The following GPHN variants were observed in gnomAD, a reference collection of about 807,000 sequenced individuals.
The protein encoded by GPHN is gephyrin.
A neutral mutation model predicts 95.5 loss-of-function variants in GPHN; 17 were observed. The observed-to-expected ratio is 0.18, with a 90% CI of 0.12 to 0.27. The LOEUF (loss-of-function observed/expected upper bound fraction) is 0.27, where lower values mean the gene tolerates loss of function less well. GPHN is among the 10% of genes least tolerant of loss of function. The pLI is 1.00. For synonymous variants in GPHN, 320 were observed against 322.5 expected, an observed-to-expected ratio of 0.99 and a Z score of 0.08; for missense variants, 660 against 978.1, an observed-to-expected ratio of 0.67 and a Z score of 4.34.
chr14:67,122,734 A>G (rs2079082822), intron 17 of GPHN, among the ~76,000 whole-genome samples: 1 of 152,342 alleles, frequency 6.6e-6, no homozygotes, highest in Non-Finnish European at 1.5e-5. Flanking sequence ...AAGAAGAGAA[A>G]GAGAGATTGT....
chr14:66,509,624 A>G (rs2057957189), intron 1 of GPHN, among the ~76,000 whole-genome samples: 1 of 152,138 alleles, frequency 6.6e-6, no homozygotes, highest in African/African-American at 2.4e-5. Flanking sequence ...GAGTGGCGAG[A>G]CGGGGGTTAA....
the GPHN span, among the ~76,000 whole-genome samples, chr14:67,405,703 C>T: frequency 2.6e-5 from 4 of 152,240 alleles, no homozygotes; most frequent in Non-Finnish European, 5.9e-5. Flanking sequence ...CTCTGCCTCT[C>T]TCCCTCTCTC....
intron 9 of GPHN, among the ~76,000 whole-genome samples, chr14:67,018,378 C>A (rs76920154): frequency 0.012 from 1,828 of 151,662 alleles, 18 homozygotes; most frequent in Non-Finnish European, 0.018. Flanking sequence ...TTTTTAATGG[C>A]TGGTGTAATC....
intron 5 of GPHN, among the ~76,000 whole-genome samples, chr14:66,911,755 G>C (rs949667105): frequency 4.6e-5 from 7 of 151,950 alleles, no homozygotes; most frequent in Non-Finnish European, 1.0e-4. Context: ...TGTAAATCTA[G>C]ATTAGGACCA....
chr14:67,086,906 C>T (rs1232323060), intron 11 of GPHN, among the ~76,000 whole-genome samples: 7 of 150,862 alleles, frequency 4.6e-5, no homozygotes, highest in African/African-American at 7.3e-5. Flanking sequence ...GGTGTGGTGG[C>T]GGGCGCCTGT....
intron 3 of GPHN, among the ~76,000 whole-genome samples, chr14:66,803,275 C>T (rs2060424668): frequency 6.6e-6 from 1 of 152,168 alleles, no homozygotes; most frequent in Non-Finnish European, 1.5e-5. Flanking sequence ...ATGCTGTCTG[C>T]ACCACACCTC....
chr14:67,733,738 C>T, the GPHN span: 1 of 1,593,688 alleles, frequency 6.3e-7, no homozygotes, highest in Non-Finnish European at 8.6e-7. Flanking sequence ...TCTTTCTCTG[C>T]CCTCCAGTGA....
At position 66,950,018 on chromosome 14, in the gene GPHN, A is replaced by G. The variant is rs1009063145; in HGVS notation, c.829-15173A>G. 1.5e-3 allele frequency among the ~76,000 whole-genome samples: 216 copies of G among 147,656 alleles called. 1 individual carries two copies. Among genetic ancestry groups the G allele is most frequent in the African/African-American group, 5.4e-3 (213 of 39,770 alleles). On this transcript the variant is annotated intron_variant, in intron 8 of 22. Coordinates refer to ENST00000478722, the MANE Select transcript of GPHN (RefSeq NM_020806.5). ...GAAAAAAAAAAAAAAAAAAAAAAAA[A>G]GCATAGATAAAGAATCAGCACAGTT...
intron 4 of GPHN, among the ~76,000 whole-genome samples, chr14:66,828,631 C>G (rs111508831): frequency 0.016 from 2,423 of 150,798 alleles, 33 homozygotes; most frequent in Non-Finnish European, 0.019. Flanking sequence ...AAGCACAAAG[C>G]AAAATTGTTT....
chr14:66,632,402 G>A (rs1373335540), intron 1 of GPHN, among the ~76,000 whole-genome samples: 1 of 151,428 alleles, frequency 6.6e-6, no homozygotes, highest in African/African-American at 2.4e-5. Context: ...CTGAAATATT[G>A]ATCCAGGCGC....
the GPHN span, among the ~76,000 whole-genome samples, chr14:67,264,934 A>G: frequency 6.9e-6 from 1 of 144,540 alleles, no homozygotes; most frequent in Non-Finnish European, 1.6e-5. Context: ...CAGGAATCAT[A>G]TTTTTTTTTT....
chr14:66,862,593 A>G lies in GPHN; in HGVS notation c.295-17346A>G, dbSNP rs544915961. ...ATGAATATTGATACAAAAATCCTCAACAAAATACTAGCAACCCAAATTCAA... is the reference window on the plus strand; with the variant it reads ...ATGAATATTGATACAAAAATCCTCAGCAAAATACTAGCAACCCAAATTCAA... On this transcript the variant is annotated intron_variant, in intron 4 of 22. Coordinates refer to ENST00000478722, the MANE Select transcript of GPHN (RefSeq NM_020806.5). Among the ~76,000 whole-genome samples the G allele has an allele frequency of 1.1e-3, 164 of 152,232 alleles. 1 individual carries two copies. The highest frequency in any genetic ancestry group is 3.8e-3 in the African/African-American group (160 of 41,562).
chr14:67,661,443 T>C, the GPHN span, among the ~76,000 whole-genome samples: 2 of 151,952 alleles, frequency 1.3e-5, no homozygotes, highest in Non-Finnish European at 2.9e-5. Flanking sequence ...AGCTCCTATG[T>C]TGTCTCTTAA....
chr14:66,694,156 A>G (rs1192735026), intron 2 of GPHN, among the ~76,000 whole-genome samples: 2 of 152,118 alleles, frequency 1.3e-5, no homozygotes, highest in Non-Finnish European at 2.9e-5. Flanking sequence ...GAGGTGATTT[A>G]GTCATGAGGG....
the GPHN span, among the ~76,000 whole-genome samples, chr14:67,511,293 T>A: frequency 6.6e-6 from 1 of 152,152 alleles, no homozygotes; most frequent in Non-Finnish European, 1.5e-5. Context: ...TCTCCCCTCA[T>A]CTTTTCATAT....
the GPHN span, among the ~76,000 whole-genome samples, chr14:67,409,267 G>A: frequency 1.3e-5 from 2 of 149,342 alleles, no homozygotes; most frequent in Admixed American, 1.3e-4. Context: ...GTAACAGGGG[G>A]GTGTGGTGAC....
At chr14:67,640,642 T>A in the GPHN span, among the ~76,000 whole-genome samples, 3 of 152,220 alleles carry the variant, frequency 2.0e-5, no homozygotes, top group Non-Finnish European at 2.9e-5. Flanking sequence ...TCTTATCTTG[T>A]TACTGCCCCT....
chr14:67,605,781 C>A, the GPHN span, among the ~76,000 whole-genome samples: 4 of 152,004 alleles, frequency 2.6e-5, no homozygotes, highest in Non-Finnish European at 5.9e-5. Context: ...CTCCTGGGAT[C>A]AAGCAATCCT....
At chr14:67,199,719 C>T in the GPHN span, 6 of 1,580,270 alleles carry the variant, frequency 3.8e-6, no homozygotes, top group Non-Finnish European at 5.2e-6. Flanking sequence ...TCACCCTCTG[C>T]CCCCAATCCT....
Sources: allele counts gnomAD v4.1 joint callset (sites outside exome capture counted in the v4.1 genomes callset), GRCh38; gene constraint gnomAD v4.1.1; transcripts MANE v1.5; gene names NCBI Gene and HGNC (gene_info 2026-07-23, HGNC 2026-07-21).